The following RECK variants were observed in gnomAD, a reference collection of about 807,000 sequenced individuals.
The protein encoded by RECK is reversion-inducing cysteine-rich protein with Kazal motifs.
Under a neutral mutation model 115.1 loss-of-function variants are expected in RECK, and 69 were observed. The ratio of observed to expected loss-of-function variants is 0.60; its 90% CI spans 0.49 to 0.73. RECK has a LOEUF of 0.73. Among genes scored for constraint, RECK ranks in the 30% least tolerant of loss-of-function variants. The pLI, the probability that RECK is intolerant of heterozygous loss-of-function variation, is 0.00. For missense variants in RECK, 1,047 were observed against 1,203.7 expected, an observed-to-expected ratio of 0.87 and a Z score of 1.93; for synonymous variants, 414 against 419.7, an observed-to-expected ratio of 0.99 and a Z score of 0.17.
chr9:36,102,366 T>G lies in RECK; in HGVS notation c.1435+136T>G. On this transcript the variant is annotated intron_variant, in intron 12 of 20. Transcript: ENST00000377966. ...CAATGATACCATCTCAATCACAGAC[T>G]CTTGTTTGCTTGGCCTTTTTGGCCC... The G allele has an allele frequency of 5.2e-6, 4 of 767,426 alleles. No individual in the cohort carries two copies. The South Asian group carries it at 6.0e-5, about 12-fold the overall frequency. The allele number at this position is 767,426 out of a possible 1,614,324, so 47.5% of individuals were successfully genotyped here. A position where few individuals can be genotyped will look rare whatever the true frequency, so the allele number is the denominator to read the frequency against.
intron 17 of RECK, among the ~76,000 whole-genome samples, chr9:36,118,509 G>A (rs1335872663): frequency 2.6e-5 from 4 of 152,114 alleles, no homozygotes; most frequent in Admixed American, 6.6e-5. Flanking sequence ...CAGTTCACAT[G>A]GAATAAGCAC....
At chr9:36,057,589 G>A (rs1454921677) in intron 2 of RECK, among the ~76,000 whole-genome samples, 1 of 152,182 alleles carries the variant, frequency 6.6e-6, no homozygotes, top group Non-Finnish European at 1.5e-5. Context: ...AGGCTGAGGC[G>A]GGCGGATCGC....
intron 1 of RECK, among the ~76,000 whole-genome samples, 186 bp downstream of exon 1, chr9:36,037,284 C>T (rs1820703631): frequency 6.6e-6 from 1 of 151,716 alleles, no homozygotes; most frequent in Non-Finnish European, 1.5e-5. Context: ...GAGGAACTCT[C>T]TCCGCCCCAA....
chr9:36,060,270 C>A, intron 4 of RECK, 115 bp downstream of exon 4: 1 of 1,059,630 alleles, frequency 9.4e-7, no homozygotes, highest in South Asian at 1.4e-5. Context: ...CTATCCTCTC[C>A]TTCCCTTCAA....
intron 1 of RECK, among the ~76,000 whole-genome samples, 154 bp downstream of exon 1, chr9:36,037,252 C>T (rs998613795): frequency 4.0e-5 from 6 of 151,694 alleles, no homozygotes; most frequent in African/African-American, 1.5e-4. Context: ...GCTCCAGAGG[C>T]TGGTGCCGAG....
At chr9:36,097,189 G>A (rs1473430117) in intron 10 of RECK, among the ~76,000 whole-genome samples, 11 of 151,906 alleles carry the variant, frequency 7.2e-5, no homozygotes, top group South Asian at 2.1e-4. Flanking sequence ...TTAGCTGGGC[G>A]TGGTGGCAGG....
chr9:36,083,524 A>C lies in RECK; in HGVS notation c.599A>C (p.Asn200Thr), dbSNP rs774567853. 2 of 1,613,804 alleles carry C rather than the reference A, an allele frequency of 1.2e-6. No individual in the cohort carries two copies. Among genetic ancestry groups the C allele is most frequent in the African/African-American group, 2.7e-5 (2 of 74,940 alleles). ...CCACAATTAATACATTGTGTGAACA[A>C]TTATACTCAATCTTATCCAATGAGG... ...ISPQLIHCVN[N>T]YTQSYPMRNP... Residue 200 changes from asparagine to threonine, a missense_variant, in exon 8 of 21, where the codon AAT (asparagine) becomes ACT (threonine). Coordinates refer to ENST00000377966, the MANE Select transcript of RECK (RefSeq NM_021111.3).
intron 1 of RECK, among the ~76,000 whole-genome samples, chr9:36,042,551 C>G (rs1239073137): frequency 6.6e-6 from 1 of 151,834 alleles, no homozygotes; most frequent in Admixed American, 6.6e-5. Flanking sequence ...CTACACACAT[C>G]TACCACATTT....
At chr9:36,101,272 C>T (rs960273446) in intron 11 of RECK, among the ~76,000 whole-genome samples, 2 of 152,180 alleles carry the variant, frequency 1.3e-5, no homozygotes, top group African/African-American at 4.8e-5. Context: ...TCTTAAGGAG[C>T]TTATTTTGCT....
chr9:36,036,927 G>C lies in RECK; in HGVS notation c.-72G>C, dbSNP rs1263556352. On this transcript the variant is annotated 5_prime_UTR_variant, in exon 1 of 21. Transcript: ENST00000377966. ...GGCGGGGCCTCGCGCGAGCGGCGGC[G>C]GTAGCGGCGGCAGCGGCTGCGGCCA... 1 of 1,020,110 alleles carries C rather than the reference G, an allele frequency of 9.8e-7. No individual in the cohort carries two copies. Among genetic ancestry groups the C allele is most frequent in the African/African-American group, 1.7e-5 (1 of 58,484 alleles). 63.2% of individuals were successfully genotyped at this position (1,020,110 alleles called of 1,614,324 possible). A position where few individuals can be genotyped will look rare whatever the true frequency, so the allele number is the denominator to read the frequency against.
In RECK at chr9:36,087,847, T is replaced by C; in HGVS notation, c.791T>C (p.Phe264Ser). 1 of 1,614,064 alleles carries C rather than the reference T, an allele frequency of 6.2e-7. No individual in the cohort carries two copies. The highest frequency in any genetic ancestry group is 8.5e-7 in the Non-Finnish European group (1 of 1,179,958). The change falls in exon 9 of 21, where the codon TTT becomes TCT. Residue 264 changes from phenylalanine (F) to serine (S), a missense_variant. By Grantham distance (155) the Phe-to-Ser change is radical. Transcript: ENST00000377966. ...PLPQDPLWQC[F>S]LESSQSVHPG... ...CCTCAAGATCCTCTTTGGCAATGTT[T>C]TCTTGAAAGCTCACAATCTGTTCAC... is the stretch of plus-strand genomic sequence containing the variant.
chr9:36,115,388 G>T (rs182560533), intron 16 of RECK, among the ~76,000 whole-genome samples: 1 of 151,430 alleles, frequency 6.6e-6, no homozygotes, highest in African/African-American at 2.4e-5. Flanking sequence ...GATGTTCCAG[G>T]CATTTTTCTA....
At position 36,112,386 on chromosome 9, in the gene RECK, G is replaced by A. The variant is rs776820138; in HGVS notation, c.1970G>A (p.Arg657His). The change falls in exon 16 of 21, where the codon CGC becomes CAC. Residue 657 changes from arginine to histidine, a missense_variant. Coordinates refer to ENST00000377966, the MANE Select transcript of RECK (RefSeq NM_021111.3). ...ACTTACCCCAGTGCCTGCATTGCTC[G>A]CTGTGTGGGCCTCCAAGACCATCAG... ...GRTYPSACIARCVGLQDHQFE... is the reference protein window; with the variant it reads ...GRTYPSACIAHCVGLQDHQFE... The A allele has an allele frequency of 2.6e-5, 42 of 1,613,916 alleles. No individual in the cohort carries two copies. Among genetic ancestry groups the A allele is most frequent in the South Asian group, 4.4e-5 (4 of 91,080 alleles).
At position 36,122,867 on chromosome 9, in the gene RECK, T is replaced by A. The variant is rs1269509039; in HGVS notation, c.2738T>A (p.Ile913Asn). 1 of 1,614,208 alleles carries A rather than the reference T, an allele frequency of 6.2e-7. No homozygotes were observed. Among genetic ancestry groups the A allele is most frequent in the Admixed American group, 1.7e-5 (1 of 60,024 alleles). ...GAAGCAGAGAAGATTGAGTCCCTTA[T>A]CAACTCTGACAGCCCGACTTTGGCG... is the stretch of plus-strand genomic sequence containing the variant. ...NKEAEKIESL[I>N]NSDSPTLASH... is the part of the protein sequence containing the mutation. Residue 913 changes from isoleucine to asparagine, a missense_variant, in exon 21 of 21, where the codon ATC becomes AAC. Ile to Asn is a moderately radical substitution (Grantham distance 149). Coordinates refer to ENST00000377966, the MANE Select transcript of RECK (RefSeq NM_021111.3).
intron 14 of RECK, among the ~76,000 whole-genome samples, chr9:36,108,571 T>C (rs1823909566): frequency 6.6e-6 from 1 of 152,128 alleles, no homozygotes; most frequent in Non-Finnish European, 1.5e-5. Flanking sequence ...CCAGGTCTAG[T>C]TGACTCCAAA....
In RECK at chr9:36,080,499, T is replaced by G. The variant is rs181829150; in HGVS notation, c.406-106T>G. ...TTCAGTCTTGGATTTAGGGAAGAAT[T>G]AAATAGTTTTAATATCATGATTTCC... On this transcript the variant is annotated intron_variant, in intron 6 of 20. Coordinates refer to ENST00000377966, the MANE Select transcript of RECK (RefSeq NM_021111.3). 2,372 of 906,912 alleles carry G rather than the reference T, an allele frequency of 2.6e-3. 5 individuals carry two copies. Among genetic ancestry groups the G allele is most frequent in the Non-Finnish European group, 3.0e-3 (1,726 of 578,338 alleles). The allele number at this position is 906,912 out of a possible 1,614,324, so 56.2% of individuals were successfully genotyped here. A position where few individuals can be genotyped will look rare whatever the true frequency, so the allele number is the denominator to read the frequency against.
At chr9:36,100,051 T>C (rs1295873042) in intron 10 of RECK, among the ~76,000 whole-genome samples, 3 of 152,218 alleles carry the variant, frequency 2.0e-5, no homozygotes, top group African/African-American at 7.2e-5. Flanking sequence ...TTTTATGAAA[T>C]GAAATGGGAT....
At chr9:36,112,837 C>T (rs1007323779) in intron 16 of RECK, among the ~76,000 whole-genome samples, 11 of 152,150 alleles carry the variant, frequency 7.2e-5, no homozygotes, top group Admixed American at 2.0e-4. Context: ...ATGTTATCTC[C>T]GTAACATTGT....
intron 7 of RECK, 34 bp downstream of exon 7, chr9:36,080,672 C>T (rs760708326): frequency 1.3e-6 from 2 of 1,596,650 alleles, no homozygotes; most frequent in Non-Finnish European, 8.6e-7. Flanking sequence ...TACAAACAGT[C>T]CAAAGATATA....
Sources: gnomAD v4.1 joint callset for allele counts (sites outside exome capture counted in the v4.1 genomes callset) on GRCh38, gnomAD v4.1.1 for gene constraint, MANE v1.5 for transcripts, NCBI Gene and HGNC (gene_info 2026-07-23, HGNC 2026-07-21) for gene names.